BSPRY: variants seen among roughly 807,000 people sequenced by gnomAD.
BSPRY encodes the protein B-box and SPRY domain containing, also known as B box and SPRY domain-containing protein.
A neutral mutation model predicts 38.0 loss-of-function variants in BSPRY; 33 were observed. The observed-to-expected ratio is 0.87, with a 90% CI of 0.66 to 1.16. BSPRY has a LOEUF of 1.16. Among genes scored for constraint, BSPRY ranks in the 50% most tolerant of loss-of-function variants. The pLI is 0.00. For synonymous variants in BSPRY, 224 were observed against 228.5 expected (o/e 0.98, Z 0.18); for missense variants, 523 against 533.2 (o/e 0.98, Z 0.19).
intron 2 of BSPRY, among the ~76,000 whole-genome samples, chr9:113,356,954 A>AT (rs1834070162): frequency 6.6e-6 from 1 of 152,192 alleles, no homozygotes; most frequent in South Asian, 2.1e-4. Flanking sequence ...GTAGCTGCAT[A>AT]TATGAGTTGG....
In BSPRY at chr9:113,370,014, C is replaced by T; in HGVS notation, c.1081C>T (p.Gln361Ter). The change falls in exon 6 of 6, where the codon CAG becomes TAG. Residue 361 changes from glutamine (Q) to a stop codon, truncating the protein, a stop_gained. Transcript: ENST00000374183. LOFTEE classifies it high-confidence loss of function. This position sits in a 1 kb window ranked among gnomAD's most constrained non-coding sequence, Gnocchi z 4.8. ...CCAGCTGGGTGTAGTGCTGGACTTGCAGGTTCAGGAGCTGCTCTTCTATGA... is the reference window on the plus strand; with the variant it reads ...CCAGCTGGGTGTAGTGCTGGACTTGTAGGTTCAGGAGCTGCTCTTCTATGA... ...PAQLGVVLDL[Q>*]VQELLFYEPA... The T allele has an allele frequency of 1.2e-6, 2 of 1,614,142 alleles. No individual in the cohort carries two copies. Among genetic ancestry groups the T allele is most frequent in the Non-Finnish European group, 1.7e-6 (2 of 1,180,026 alleles).
chr9:113,359,894 AT>A (rs780787781), intron 2 of BSPRY, among the ~76,000 whole-genome samples: 6 of 149,766 alleles, frequency 4.0e-5, no homozygotes, highest in African/African-American at 1.5e-4. Flanking sequence ...AAAAAAAAAA[AT>A]TTCCCATTCA....
intron 2 of BSPRY, among the ~76,000 whole-genome samples, chr9:113,357,555 T>C (rs142341304): frequency 0.016 from 2,390 of 152,284 alleles, 21 homozygotes; most frequent in African/African-American, 0.032. Context: ...ATTCAATGGA[T>C]TGGAAAACAG....
intron 5 of BSPRY, 112 bp downstream of exon 5, chr9:113,368,495 A>G: frequency 7.1e-7 from 1 of 1,412,314 alleles, no homozygotes; most frequent in Admixed American, 2.2e-5. Flanking sequence ...GATAGCTTAA[A>G]CAAGTCATGC....
In BSPRY at chr9:113,368,298, G is replaced by A. The variant is rs200040198; in HGVS notation, c.597G>A (p.Ser199=). 5.9e-5 allele frequency: 96 copies of A among 1,613,944 alleles called. No individual in the cohort carries two copies. Among genetic ancestry groups the A allele is most frequent in the Non-Finnish European group, 6.8e-5 (80 of 1,179,998 alleles). ...EAEGILDPQE[S]EMLNFNEKCT... is the part of the protein sequence containing the mutation. ...AGGGCATTTTGGATCCCCAGGAGTC[G>A]GAAATGTTAAACTTTAATGAGAAGT... is the stretch of plus-strand genomic sequence containing the variant. The change falls in exon 5 of 6, where the codon TCG becomes TCA. Residue 199 remains serine (S), a synonymous_variant. Coordinates refer to ENST00000374183, the MANE Select transcript of BSPRY (RefSeq NM_017688.3).
intron 5 of BSPRY, among the ~76,000 whole-genome samples, chr9:113,368,802 A>C (rs559051303): frequency 1.3e-5 from 2 of 152,290 alleles, no homozygotes; most frequent in African/African-American, 4.8e-5. Flanking sequence ...ACTCAGGCCA[A>C]CTGTGGGCCC....
At chr9:113,364,386 T>C (rs1834210204) in intron 4 of BSPRY, among the ~76,000 whole-genome samples, 1 of 152,178 alleles carries the variant, frequency 6.6e-6, no homozygotes, top group Non-Finnish European at 1.5e-5. Context: ...TGTTCCCACT[T>C]CTCCCCTTGT....
chr9:113,365,250 C>T (rs35656416), intron 4 of BSPRY, among the ~76,000 whole-genome samples: 2 of 152,028 alleles, frequency 1.3e-5, no homozygotes, highest in African/African-American at 4.8e-5. Context: ...GCATATATAT[C>T]CTGTGTCCCT....
chr9:113,349,856 G>T (rs1041963834), intron 1 of BSPRY, 76 bp downstream of exon 1: 112 of 1,198,958 alleles, frequency 9.3e-5, no homozygotes, highest in Middle Eastern at 3.3e-4. Context: ...GCAGGGACTG[G>T]GGAGCCTGGG....
At chr9:113,368,496 C>G (rs991654014) in intron 5 of BSPRY, 113 bp downstream of exon 5, 2 of 1,405,852 alleles carry the variant, frequency 1.4e-6, no homozygotes, top group Non-Finnish European at 9.7e-7. Flanking sequence ...ATAGCTTAAA[C>G]AAGTCATGCT....
rs750621245 is a variant in BSPRY at position 113,369,740 on chromosome 9, C to T, written c.807C>T (p.Phe269=). Residue 269 remains phenylalanine, a synonymous_variant, in exon 6 of 6, where the codon TTC becomes TTT. Coordinates refer to ENST00000374183, the MANE Select transcript of BSPRY (RefSeq NM_017688.3). ...SKACADGPER[F]DHWPNALAAT... ...CCTGTGCAGATGGCCCGGAGCGCTT[C>T]GACCACTGGCCCAATGCCCTGGCTG... 9.9e-6 allele frequency: 16 copies of T among 1,614,136 alleles called. No homozygotes were observed. The highest frequency in any genetic ancestry group is 8.8e-5 in the South Asian group (8 of 91,090).
Position 113,360,678 on chromosome 9 carries a change from G to C in BSPRY, c.472G>C (p.Asp158His). Residue 158 changes from aspartate (D) to histidine (H), a missense_variant, in exon 3 of 6, where the codon GAC (aspartate) becomes CAC (histidine). Asp to His is a moderately conservative substitution (Grantham distance 81). Transcript: ENST00000374183. ...CTGGGCCGAGGCGCTGCAGAAACTT[G>C]ACACCATCCGCACTGGCCTGGTGGG... ...VHWAEALQKL[D>H]TIRTGLVGML... 3.7e-6 allele frequency: 6 copies of C among 1,606,832 alleles called. No homozygotes were observed. Among genetic ancestry groups the C allele is most frequent in the Non-Finnish European group, 5.1e-6 (6 of 1,177,762 alleles).
chr9:113,353,593 C>G (rs936562262), intron 1 of BSPRY, among the ~76,000 whole-genome samples: 1 of 152,066 alleles, frequency 6.6e-6, no homozygotes, highest in Non-Finnish European at 1.5e-5. Flanking sequence ...ATCCCAGCTA[C>G]TTGGGAGGCT....
chr9:113,361,924 G>A (rs141682111), intron 3 of BSPRY, among the ~76,000 whole-genome samples: 6 of 152,354 alleles, frequency 3.9e-5, no homozygotes, highest in African/African-American at 9.6e-5. Context: ...TCTGCAAGTA[G>A]GGCAGTTTCT....
chr9:113,360,953 A>G (rs1425234564), intron 3 of BSPRY, among the ~76,000 whole-genome samples: 1 of 152,134 alleles, frequency 6.6e-6, no homozygotes, highest in Non-Finnish European at 1.5e-5. Context: ...TTTTTGCAAA[A>G]TAACCCTGCT....
intron 2 of BSPRY, among the ~76,000 whole-genome samples, chr9:113,357,337 G>A (rs1834076697): frequency 6.6e-6 from 1 of 152,160 alleles, no homozygotes; most frequent in African/African-American, 2.4e-5. Flanking sequence ...AGGACTCCTT[G>A]TGCTACCCTT....
At chr9:113,365,939 G>A (rs1048052541) in intron 4 of BSPRY, among the ~76,000 whole-genome samples, 2 of 151,752 alleles carry the variant, frequency 1.3e-5, no homozygotes, top group Non-Finnish European at 2.9e-5. Flanking sequence ...CAAGTAGCTG[G>A]GATTACAGGC....
chr9:113,365,746 AGAGAGT>A (rs879944927), intron 4 of BSPRY, among the ~76,000 whole-genome samples: 2 of 139,494 alleles, frequency 1.4e-5, no homozygotes, highest in East Asian at 4.7e-4. Context: ...AGAGAGAGAG[AGAGAGT>A]GTGTGTGTGT....
At chr9:113,355,105 CCTT>C (rs1312106130) in intron 2 of BSPRY, among the ~76,000 whole-genome samples, 1 of 152,356 alleles carries the variant, frequency 6.6e-6, no homozygotes, top group African/African-American at 2.4e-5. Context: ...CAACCTCCCT[CCTT>C]GGCCTTCCAA....
Sources: gnomAD v4.1 joint callset for allele counts (sites outside exome capture counted in the v4.1 genomes callset) on GRCh38, gnomAD v4.1.1 for gene constraint, Gnocchi (gnomAD v3.1) non-coding constraint, MANE v1.5 for transcripts, NCBI Gene and HGNC (gene_info 2026-07-23, HGNC 2026-07-21) for gene names.